The following SPRR2G variants were observed in gnomAD, a reference collection of about 807,000 sequenced individuals.
SPRR2G encodes small proline rich protein 2G, also known as small proline-rich protein 2G.
SPRR2G carries 1 observed loss-of-function variant against 0.7 expected under a neutral mutation model. That is an observed-to-expected ratio of 1.49 (90% CI 0.53 to 7.06). The LOEUF (loss-of-function observed/expected upper bound fraction) is 7.06. Ranked by LOEUF, SPRR2G falls within the 30% of genes most tolerant of loss-of-function variation. The pLI is 0.14. For synonymous variants in SPRR2G, 38 were observed against 33.9 expected, an observed-to-expected ratio of 1.12 and a Z score of -0.42; for missense variants, 96 against 88.5, an observed-to-expected ratio of 1.09 and a Z score of -0.34.
chr1:153,157,356 T>A, the SPRR2G span, among the ~76,000 whole-genome samples: 2 of 152,174 alleles, frequency 1.3e-5, no homozygotes, highest in African/African-American at 4.8e-5. Context: ...GTAAAATAGT[T>A]CAGTGATAAA....
At chr1:153,200,700 ATTT>A in the SPRR2G span, among the ~76,000 whole-genome samples, 5 of 138,396 alleles carry the variant, frequency 3.6e-5, no homozygotes, top group Admixed American at 7.2e-5. Flanking sequence ...TGAAAGCAGG[ATTT>A]TTTTTTTTTT....
At chr1:153,192,206 C>A in the SPRR2G span, among the ~76,000 whole-genome samples, 1 of 152,226 alleles carries the variant, frequency 6.6e-6, no homozygotes, top group African/African-American at 2.4e-5. Context: ...TATGTGCAGG[C>A]TTGTGGAAGC....
At chr1:153,188,390 A>C in the SPRR2G span, among the ~76,000 whole-genome samples, 3 of 152,140 alleles carry the variant, frequency 2.0e-5, no homozygotes, top group East Asian at 5.8e-4. Flanking sequence ...CCTTTCTTTC[A>C]GAGATGCCCC....
the SPRR2G span, among the ~76,000 whole-genome samples, chr1:153,189,131 A>G: frequency 6.6e-6 from 1 of 152,198 alleles, no homozygotes; most frequent in Non-Finnish European, 1.5e-5. Flanking sequence ...GAAATTTTTT[A>G]TCTATGTTCT....
the SPRR2G span, among the ~76,000 whole-genome samples, chr1:153,181,402 T>C: frequency 6.6e-6 from 1 of 152,222 alleles, no homozygotes; most frequent in Non-Finnish European, 1.5e-5. Context: ...CGTTTATCTG[T>C]GGTGAGTACA....
At chr1:153,171,406 C>T in the SPRR2G span, among the ~76,000 whole-genome samples, 5 of 152,290 alleles carry the variant, frequency 3.3e-5, no homozygotes, top group East Asian at 5.8e-4. Context: ...ACCCACTCGC[C>T]TCCCCAGGAA....
the SPRR2G span, among the ~76,000 whole-genome samples, chr1:153,193,095 T>C: frequency 2.0e-5 from 3 of 152,084 alleles, no homozygotes; most frequent in Admixed American, 1.3e-4. Context: ...AAGAAAAGGA[T>C]GTAGCTTTTC....
the SPRR2G span, among the ~76,000 whole-genome samples, chr1:153,183,935 T>A: frequency 6.6e-6 from 1 of 152,216 alleles, no homozygotes; most frequent in Admixed American, 6.5e-5. Flanking sequence ...GCTTTCTACA[T>A]GTGGTTAGGC....
chr1:153,181,302 T>G, the SPRR2G span, among the ~76,000 whole-genome samples: 2 of 152,172 alleles, frequency 1.3e-5, no homozygotes, highest in Non-Finnish European at 2.9e-5. Context: ...TATACATATT[T>G]ATGGGGTACA....
chr1:153,180,571 G>A, the SPRR2G span, among the ~76,000 whole-genome samples: 1 of 152,150 alleles, frequency 6.6e-6, no homozygotes, highest in African/African-American at 2.4e-5. Flanking sequence ...GTGCTAATGT[G>A]AATATTTACG....
the SPRR2G span, among the ~76,000 whole-genome samples, chr1:153,182,924 G>A: frequency 2.0e-5 from 3 of 151,658 alleles, no homozygotes; most frequent in Non-Finnish European, 2.9e-5. Context: ...TGGGTCAAAT[G>A]GTATTTCTGG....
chr1:153,189,084 G>C, the SPRR2G span, among the ~76,000 whole-genome samples: 1 of 152,184 alleles, frequency 6.6e-6, no homozygotes, highest in African/African-American at 2.4e-5. Context: ...CCAGACCAGA[G>C]CTGTTCCTAT....
the SPRR2G span, among the ~76,000 whole-genome samples, chr1:153,167,484 A>AAAAAAG: frequency 6.6e-6 from 1 of 151,594 alleles, no homozygotes; most frequent in South Asian, 2.1e-4. Flanking sequence ...AAAAAAAAAC[A>AAAAAAG]AAAAAGAAAA....
At chr1:153,203,057 A>T in the SPRR2G span, among the ~76,000 whole-genome samples, 2,456 of 152,340 alleles carry the variant, frequency 0.016, 57 homozygotes, top group African/African-American at 0.054. Context: ...TCAAAATGGC[A>T]GTGATCAATT....
At chr1:153,177,654 A>T in the SPRR2G span, among the ~76,000 whole-genome samples, 11,944 of 152,200 alleles carry the variant, frequency 0.078, 490 homozygotes, top group African/African-American at 0.11. Context: ...TTGAACATAA[A>T]TGTAGGTCTA....
At chr1:153,162,128 A>G in the SPRR2G span, among the ~76,000 whole-genome samples, 2 of 152,268 alleles carry the variant, frequency 1.3e-5, no homozygotes, top group Admixed American at 1.3e-4. Context: ...AGTACCCATT[A>G]GTTATTTTTC....
At chr1:153,184,817 T>G in the SPRR2G span, among the ~76,000 whole-genome samples, 1 of 152,210 alleles carries the variant, frequency 6.6e-6, no homozygotes, top group Non-Finnish European at 1.5e-5. Flanking sequence ...TTTTTGCACA[T>G]TCAGTATGAT....
chr1:153,168,831 G>A, the SPRR2G span, among the ~76,000 whole-genome samples: 4 of 152,172 alleles, frequency 2.6e-5, no homozygotes, highest in African/African-American at 9.6e-5. Context: ...TGAATCAGAA[G>A]AGCATAGGCT....
chr1:153,167,167 T>C, the SPRR2G span, among the ~76,000 whole-genome samples: 2 of 152,148 alleles, frequency 1.3e-5, no homozygotes, highest in Non-Finnish European at 2.9e-5. Flanking sequence ...AGAGACCCTT[T>C]GTTTTGGAAA....
Sources: allele counts gnomAD v4.1 joint callset (sites outside exome capture counted in the v4.1 genomes callset), GRCh38; gene constraint gnomAD v4.1.1; transcripts MANE v1.5; gene names NCBI Gene and HGNC (gene_info 2026-07-23, HGNC 2026-07-21).